The following CSMD1 variants were observed in gnomAD, a reference collection of about 807,000 sequenced individuals.
CSMD1 encodes CUB and Sushi multiple domains 1.
A neutral mutation model predicts 417.5 loss-of-function variants in CSMD1; 213 were observed. That is an observed-to-expected ratio of 0.51 (90% confidence interval 0.46 to 0.57). The LOEUF (loss-of-function observed/expected upper bound fraction) is 0.57, where lower values mean the gene tolerates loss of function less well. Among genes scored for constraint, CSMD1 ranks in the 20% least tolerant of loss-of-function variants. The pLI, the probability that CSMD1 is intolerant of heterozygous loss-of-function variation, is 0.00. For synonymous variants in CSMD1, 2,862 were observed against 1,736.8 expected (o/e 1.65, Z -16.11); for missense variants, 6,923 against 4,529.7 (o/e 1.53, Z -15.17).
chr8:3,157,427 C>T (rs1027723775), intron 39 of CSMD1, among the ~76,000 whole-genome samples: 4 of 152,264 alleles, frequency 2.6e-5, no homozygotes, highest in Middle Eastern at 3.4e-3. Flanking sequence ...CCCCCAGGAG[C>T]GCATCCACAA....
In CSMD1 at chr8:2,937,012, A is replaced by G. The variant is rs1352441757; in HGVS notation, c.*1573T>C. The G allele has an allele frequency of 1.3e-5, 2 of 152,254 alleles. No individual in the cohort carries two copies. Among genetic ancestry groups the G allele is most frequent in the Non-Finnish European group, 2.9e-5 (2 of 68,052 alleles). 9.4% of individuals were successfully genotyped at this position (152,254 alleles called of 1,614,324 possible). A position where few individuals can be genotyped will look rare whatever the true frequency, so the allele number is the denominator to read the frequency against. ...AGGAACTGAAATATCAAATAATAAA[A>G]TAAGTACTATCGTTTCAAAAATATT... On this transcript the variant is annotated 3_prime_UTR_variant, in exon 70 of 70. Transcript: ENST00000635120.
intron 49 of CSMD1, among the ~76,000 whole-genome samples, chr8:3,077,792 C>CTGTG (rs1478636496): frequency 1.3e-5 from 2 of 152,248 alleles, no homozygotes. Context: ...GAGGCTGCCG[C>CTGTG]TGTGCCTCTT....
At chr8:4,084,231 T>G (rs1467106114) in intron 3 of CSMD1, among the ~76,000 whole-genome samples, 1 of 151,942 alleles carries the variant, frequency 6.6e-6, no homozygotes, top group Non-Finnish European at 1.5e-5. Flanking sequence ...TGTAGAGTAG[T>G]AATCCCTTAC....
chr8:3,007,109 C>T (rs1171657308), intron 52 of CSMD1, among the ~76,000 whole-genome samples: 1 of 148,588 alleles, frequency 6.7e-6, no homozygotes, highest in South Asian at 2.1e-4. Flanking sequence ...AAAAAGTGGG[C>T]AAAGGACATG....
intron 3 of CSMD1, among the ~76,000 whole-genome samples, chr8:4,322,787 G>C (rs1177270032): frequency 6.6e-6 from 1 of 152,154 alleles, no homozygotes; most frequent in Non-Finnish European, 1.5e-5. Flanking sequence ...TTGACTTCAG[G>C]AGTACAAGAC....
intron 11 of CSMD1, among the ~76,000 whole-genome samples, chr8:3,475,110 A>T (rs940571755): frequency 1.3e-5 from 2 of 152,076 alleles, no homozygotes; most frequent in Admixed American, 6.6e-5. Flanking sequence ...ATGGACTGTC[A>T]ACTCTTCCTG....
intron 6 of CSMD1, among the ~76,000 whole-genome samples, chr8:3,738,391 C>G (rs1290475054): frequency 2.6e-5 from 4 of 152,222 alleles, no homozygotes; most frequent in African/African-American, 9.7e-5. Context: ...ACATTCTTCT[C>G]ATAAAATATG....
chr8:4,088,790 C>G (rs1800561456), intron 3 of CSMD1, among the ~76,000 whole-genome samples: 2 of 152,126 alleles, frequency 1.3e-5, no homozygotes, highest in South Asian at 4.1e-4. Context: ...CCCTCCCAGA[C>G]CAAACACATT....
intron 3 of CSMD1, among the ~76,000 whole-genome samples, chr8:4,304,582 A>T (rs1278661290): frequency 6.6e-6 from 1 of 152,082 alleles, no homozygotes; most frequent in African/African-American, 2.4e-5. Flanking sequence ...AATTGCTTTG[A>T]AATGTCAAAT....
At chr8:3,697,436 C>G (rs765063649) in intron 7 of CSMD1, among the ~76,000 whole-genome samples, 2 of 152,164 alleles carry the variant, frequency 1.3e-5, no homozygotes, top group African/African-American at 2.4e-5. Flanking sequence ...ATGTTTATAT[C>G]AAGGCTAATT....
intron 3 of CSMD1, among the ~76,000 whole-genome samples, chr8:4,344,437 T>G (rs1330186840): frequency 6.6e-6 from 1 of 152,056 alleles, no homozygotes; most frequent in African/African-American, 2.4e-5. Flanking sequence ...ATTTTAAAAC[T>G]GAACTGCTCA....
At chr8:4,372,292 G>A (rs143239160) in intron 3 of CSMD1, among the ~76,000 whole-genome samples, 1 of 152,120 alleles carries the variant, frequency 6.6e-6, no homozygotes, top group African/African-American at 2.4e-5. Flanking sequence ...TAAGTCTGTG[G>A]GTTAAATGAC....
In CSMD1 at chr8:3,129,075, G is replaced by T. The variant is rs950000104; in HGVS notation, c.6242-10488C>A. ...ATGCTTTCTAACGCTCAAAGGCCACGGAGTCAACATCAATGAGCAAGACAG... is the reference window on the plus strand; with the variant it reads ...ATGCTTTCTAACGCTCAAAGGCCACTGAGTCAACATCAATGAGCAAGACAG... On this transcript the variant is annotated intron_variant, in intron 41 of 69. Coordinates refer to ENST00000635120, the MANE Select transcript of CSMD1 (RefSeq NM_033225.6). Among the ~76,000 whole-genome samples the T allele has an allele frequency of 7.2e-5, 11 of 152,132 alleles. 1 individual carries two copies. Among genetic ancestry groups the T allele is most frequent in the African/African-American group, 2.4e-4 (10 of 41,418 alleles).
chr8:4,823,585 G>A (rs1468600999), intron 1 of CSMD1, among the ~76,000 whole-genome samples: 1 of 152,072 alleles, frequency 6.6e-6, no homozygotes, highest in South Asian at 2.1e-4. Flanking sequence ...ACACAGCAAA[G>A]ATGGGCATTT....
At chr8:3,858,885 C>G (rs1181176032) in intron 5 of CSMD1, among the ~76,000 whole-genome samples, 1 of 152,028 alleles carries the variant, frequency 6.6e-6, no homozygotes, top group South Asian at 2.1e-4. Context: ...TTTATCGTGA[C>G]AATGTAAATC....
intron 2 of CSMD1, among the ~76,000 whole-genome samples, chr8:4,564,733 T>C (rs1798510474): frequency 6.6e-6 from 1 of 152,182 alleles, no homozygotes; most frequent in Non-Finnish European, 1.5e-5. Context: ...GGCATTTTGA[T>C]GGATCTGAAC....
Position 3,227,173 on chromosome 8 carries a change from G to C in CSMD1, c.4345+2867C>G, listed in dbSNP as rs143333824. 5.0e-3 allele frequency among the ~76,000 whole-genome samples: 765 copies of C among 152,234 alleles called. 5 individuals carry two copies. Among genetic ancestry groups the C allele is most frequent in the African/African-American group, 0.017 (725 of 41,536 alleles). On this transcript the variant is annotated intron_variant, in intron 27 of 69. Coordinates refer to ENST00000635120, the MANE Select transcript of CSMD1 (RefSeq NM_033225.6). ...CCCAGCACTTTGGGAGTCTGAGGCA[G>C]GCAGATCATGAAGTCAGGAATTCGA...
chr8:4,221,904 A>T (rs1801054173), intron 3 of CSMD1, among the ~76,000 whole-genome samples: 1 of 152,214 alleles, frequency 6.6e-6, no homozygotes, highest in African/African-American at 2.4e-5. Context: ...ACCAGACCAG[A>T]GAAAATGCCT....
chr8:3,606,766 A>C (rs1209246746), intron 8 of CSMD1, among the ~76,000 whole-genome samples: 1 of 150,400 alleles, frequency 6.6e-6, no homozygotes, highest in Admixed American at 6.6e-5. Context: ...GCTGGGGTAC[A>C]GTGGCGTGAT....
Sources: gnomAD v4.1 joint callset for allele counts (sites outside exome capture counted in the v4.1 genomes callset) on GRCh38, gnomAD v4.1.1 for gene constraint, MANE v1.5 for transcripts, NCBI Gene and HGNC (gene_info 2026-07-23, HGNC 2026-07-21) for gene names.